The following SEH1L variants were observed in gnomAD, a reference collection of about 807,000 sequenced individuals.
The protein encoded by SEH1L is SEH1 like nucleoporin, also known as nucleoporin SEH1.
In SEH1L, 18 loss-of-function variants were observed where a neutral mutation model predicts 49.5. That is an observed-to-expected ratio of 0.36 (90% CI 0.25 to 0.54). The LOEUF (loss-of-function observed/expected upper bound fraction) is 0.54, where lower values mean the gene tolerates loss of function less well. SEH1L is among the 20% of genes least tolerant of loss of function. The pLI is 0.87. For missense variants in SEH1L, 404 were observed against 528.8 expected (o/e 0.76, Z 2.31); for synonymous variants, 169 against 178.1 (o/e 0.95, Z 0.41).
intron 3 of SEH1L, 151 bp from the exon 4 acceptor site, chr18:12,963,009 G>A (rs1302053448): frequency 3.8e-6 from 2 of 528,168 alleles, no homozygotes; most frequent in Non-Finnish European, 6.6e-6. Context: ...CCATGTACTT[G>A]TAGGAACTTG....
At chr18:12,980,876 C>A (rs1209038392) in intron 6 of SEH1L, among the ~76,000 whole-genome samples, 7 of 136,908 alleles carry the variant, frequency 5.1e-5, no homozygotes, top group African/African-American at 1.1e-4. Flanking sequence ...GGGGGCTGAC[C>A]CCCCCCACCT....
intron 4 of SEH1L, among the ~76,000 whole-genome samples, chr18:12,966,294 A>G (rs992650878): frequency 3.3e-5 from 5 of 151,906 alleles, no homozygotes; most frequent in African/African-American, 1.2e-4. Context: ...GTTTCTCCAT[A>G]TTGGTCAGGC....
chr18:12,980,360 A>T (rs868080105), intron 6 of SEH1L, among the ~76,000 whole-genome samples: 2 of 70,046 alleles, frequency 2.9e-5, no homozygotes, highest in Admixed American at 1.5e-4. Context: ...GGCGGCTGGC[A>T]GGGCGGGGGG....
Position 12,971,153 on chromosome 18 carries a change from C to T in SEH1L, c.522C>T (p.Ser174=). 6.2e-7 allele frequency: 1 copy of T among 1,607,606 alleles called. No homozygotes were observed. The highest frequency in any genetic ancestry group is 8.5e-7 in the Non-Finnish European group (1 of 1,174,242). ...SCSCISWNPS[S]SRAHSPMIAV... ...AAATGTTCTTTCTCCCCGTTTCTAG[C>T]TCTCGTGCTCATTCCCCCATGATCG... Residue 174 remains serine (S), a splice_region_variant and synonymous_variant, in exon 5 of 9, where the codon AGC becomes AGT. Transcript: ENST00000399892.
intron 1 of SEH1L, among the ~76,000 whole-genome samples, chr18:12,949,322 C>T (rs1026504461): frequency 4.0e-5 from 6 of 151,344 alleles, no homozygotes; most frequent in Non-Finnish European, 8.8e-5. Context: ...TTTTCACATT[C>T]GAGTTTGATA....
intron 3 of SEH1L, among the ~76,000 whole-genome samples, chr18:12,957,402 TG>T (rs1451434565): frequency 6.6e-6 from 1 of 151,410 alleles, no homozygotes; most frequent in African/African-American, 2.4e-5. Flanking sequence ...CACTCCAGCC[TG>T]GGGAACAAGA....
At chr18:12,978,569 T>C (rs2032023104) in intron 5 of SEH1L, 183 bp from the exon 6 acceptor site, 1 of 480,396 alleles carries the variant, frequency 2.1e-6, no homozygotes, top group Non-Finnish European at 3.7e-6. Flanking sequence ...TTGAATAAGG[T>C]CACATTCACA....
chr18:12,971,948 A>C (rs1287116123), intron 5 of SEH1L: 2 of 152,280 alleles, frequency 1.3e-5, no homozygotes, highest in African/African-American at 4.8e-5. Flanking sequence ...ATGCTGGGCA[A>C]AAATGAGTGT....
At chr18:12,951,830 A>C (rs1455059110) in intron 1 of SEH1L, 25 bp from the exon 2 acceptor site, 15 of 1,477,760 alleles carry the variant, frequency 1.0e-5, no homozygotes, top group Non-Finnish European at 1.4e-5. Flanking sequence ...TTTGTATAAA[A>C]TATCTGCCTT....
At chr18:12,962,082 C>T (rs973127857) in intron 3 of SEH1L, among the ~76,000 whole-genome samples, 11 of 152,066 alleles carry the variant, frequency 7.2e-5, no homozygotes, top group African/African-American at 2.4e-4. Flanking sequence ...CTTTTGGTCC[C>T]TGTTAAAAGC....
At chr18:12,949,318 C>T (rs1447812260) in intron 1 of SEH1L, among the ~76,000 whole-genome samples, 1 of 151,858 alleles carries the variant, frequency 6.6e-6, no homozygotes, top group Non-Finnish European at 1.5e-5. Flanking sequence ...TCCTTTTTCA[C>T]ATTCGAGTTT....
chr18:12,956,756 T>C (rs185235845), intron 3 of SEH1L, among the ~76,000 whole-genome samples: 245 of 150,414 alleles, frequency 1.6e-3, no homozygotes, highest in Non-Finnish European at 2.9e-3. Flanking sequence ...GTGCTGATAG[T>C]TGGAGAGTTG....
intron 8 of SEH1L, among the ~76,000 whole-genome samples, chr18:12,984,411 T>TTAG (rs1157479402): frequency 6.6e-6 from 1 of 152,242 alleles, no homozygotes; most frequent in Non-Finnish European, 1.5e-5. Flanking sequence ...TTCTGAAGCT[T>TTAG]TAGTGGTCTA....
At chr18:12,969,217 C>G (rs1348174945) in intron 4 of SEH1L, among the ~76,000 whole-genome samples, 3 of 48,730 alleles carry the variant, frequency 6.2e-5, no homozygotes, top group Admixed American at 2.5e-4. Flanking sequence ...ACCCGCCCCC[C>G]CCCCCCCCCC....
chr18:12,981,849 CATTTTTTT>C (rs1412992707), intron 6 of SEH1L, among the ~76,000 whole-genome samples: 1 of 102,526 alleles, frequency 9.8e-6, no homozygotes, highest in East Asian at 2.6e-4. Context: ...CTGCCCTGCC[CATTTTTTT>C]TTTTTTTTTT....
chr18:12,966,752 A>G (rs2031470568), intron 4 of SEH1L, among the ~76,000 whole-genome samples: 3 of 152,130 alleles, frequency 2.0e-5, no homozygotes, highest in Admixed American at 2.0e-4. Flanking sequence ...TTATTGTCTC[A>G]AATTGGGGAT....
At chr18:12,963,900 A>G (rs773810241) in intron 4 of SEH1L, among the ~76,000 whole-genome samples, 15 of 152,326 alleles carry the variant, frequency 9.8e-5, no homozygotes, top group Admixed American at 5.9e-4. Flanking sequence ...TTTAGTAGAC[A>G]TGGGGTTTTA....
chr18:12,981,034 G>A (rs2032226421), intron 6 of SEH1L, among the ~76,000 whole-genome samples: 1 of 151,274 alleles, frequency 6.6e-6, no homozygotes, highest in African/African-American at 2.4e-5. Flanking sequence ...CGGTGTGGCT[G>A]CCGGGCGGAG....
intron 6 of SEH1L, 111 bp downstream of exon 6, chr18:12,979,003 G>T: frequency 2.0e-6 from 2 of 1,002,914 alleles, no homozygotes; most frequent in South Asian, 1.7e-5. Context: ...TTCTGCTCTG[G>T]AAGTTTTACT....
Sources: gnomAD v4.1 joint callset for allele counts (sites outside exome capture counted in the v4.1 genomes callset) on GRCh38, gnomAD v4.1.1 for gene constraint, MANE v1.5 for transcripts, NCBI Gene and HGNC (gene_info 2026-07-23, HGNC 2026-07-21) for gene names.